Variants in LINGO2 observed in about 807,000 individuals in gnomAD.
LINGO2 encodes the protein leucine-rich repeat and immunoglobulin-like domain-containing nogo receptor-interacting protein 2.
In LINGO2, 14 loss-of-function variants were observed where a neutral mutation model predicts 30.6. The ratio of observed to expected loss-of-function variants is 0.46; its 90% CI spans 0.30 to 0.72. LINGO2 has a LOEUF of 0.72. LINGO2 is among the 30% of genes least tolerant of loss of function. LINGO2 has a pLI of 0.07. For synonymous variants in LINGO2, 317 were observed against 288.5 expected (o/e 1.10, Z -1.00); for missense variants, 729 against 751.7 (o/e 0.97, Z 0.35).
intron 1 of LINGO2, among the ~76,000 whole-genome samples, chr9:28,484,719 G>A (rs1013139369): frequency 6.6e-5 from 10 of 152,048 alleles, no homozygotes; most frequent in Admixed American, 1.3e-4. Flanking sequence ...CTAGTGACAA[G>A]GTCTAAACTT....
rs375611765 is a variant in LINGO2, at chr9:28,024,153, G to T, written c.-86-11748C>A. Among the ~76,000 whole-genome samples, 7 of 152,264 alleles carry T rather than the reference G, an allele frequency of 4.6e-5. No individual in the cohort carries two copies. The East Asian group carries it at 1.4e-3, about 29-fold the overall frequency. ...CCTGTGGGAACTGCAACTGGAAATG[G>T]CCCTTTCTGAGAAATAACCATGCAT... On this transcript the variant is annotated intron_variant, in intron 4 of 5. Coordinates refer to ENST00000379992, the Ensembl canonical transcript of LINGO2.
chr9:28,987,573 C>T, the LINGO2 span, among the ~76,000 whole-genome samples: 1 of 151,914 alleles, frequency 6.6e-6, no homozygotes, highest in Admixed American at 6.6e-5. Context: ...TTCCTTCTTC[C>T]TGCTGACTTT....
At chr9:28,876,612 G>C in the LINGO2 span, among the ~76,000 whole-genome samples, 1 of 152,024 alleles carries the variant, frequency 6.6e-6, no homozygotes, top group African/African-American at 2.4e-5. Context: ...AGTATTCCAT[G>C]GTGTATATGT....
intron 5 of LINGO2, among the ~76,000 whole-genome samples, chr9:28,007,929 TCAG>T (rs1487905768): frequency 6.6e-6 from 1 of 152,192 alleles, no homozygotes; most frequent in East Asian, 1.9e-4. Flanking sequence ...TTCAAAAAGT[TCAG>T]CAGGTGAGTT....
chr9:28,280,857 G>A (rs955287226), intron 4 of LINGO2, among the ~76,000 whole-genome samples: 3 of 152,152 alleles, frequency 2.0e-5, no homozygotes, highest in African/African-American at 7.2e-5. Flanking sequence ...CTATCAAACT[G>A]ATGCTTCTCT....
In LINGO2 at chr9:28,402,783, G is replaced by A. The variant is rs955018907; in HGVS notation, c.-278-29915C>T. ...TATCCCAGGCTATCTTTCCCATCAC[G>A]TTTTTTCTGTCTTCTTTCTCAGTGG... On this transcript the variant is annotated intron_variant, in intron 2 of 5. Coordinates refer to ENST00000379992, the Ensembl canonical transcript of LINGO2. Among the ~76,000 whole-genome samples, 6 of 151,888 alleles carry A rather than the reference G, an allele frequency of 4.0e-5. No individual in the cohort carries two copies. In the East Asian group the frequency reaches 7.7e-4, roughly 20 times the overall value.
the LINGO2 span, among the ~76,000 whole-genome samples, chr9:28,832,563 AAGACTTCCCAG>A: frequency 6.6e-6 from 1 of 152,238 alleles, no homozygotes; most frequent in South Asian, 2.1e-4. Context: ...GGATAACATA[AAGACTTCCCAG>A]GAATTTTCCA....
the LINGO2 span, among the ~76,000 whole-genome samples, chr9:29,111,042 C>T: frequency 2.6e-4 from 39 of 152,288 alleles, no homozygotes; most frequent in Admixed American, 1.4e-3. Flanking sequence ...CAAATGTTTG[C>T]ACGCTGATTC....
intron 4 of LINGO2, among the ~76,000 whole-genome samples, chr9:28,070,287 G>A (rs1825436455): frequency 6.6e-6 from 1 of 151,958 alleles, no homozygotes; most frequent in African/African-American, 2.4e-5. Flanking sequence ...CCTGCGGTTG[G>A]TTGGAGTTAT....
intron 4 of LINGO2, among the ~76,000 whole-genome samples, chr9:28,104,262 G>GTTTTTTT (rs1364642044): frequency 2.5e-4 from 14 of 55,790 alleles, no homozygotes; most frequent in South Asian, 8.0e-4. Flanking sequence ...CAAGTTTTTT[G>GTTTTTTT]TTTGTTTTTT....
chr9:28,965,715 A>G, the LINGO2 span, among the ~76,000 whole-genome samples: 1 of 152,132 alleles, frequency 6.6e-6, no homozygotes, highest in Non-Finnish European at 1.5e-5. Context: ...ATGATTTTTA[A>G]TACCTTAAAC....
intron 5 of LINGO2, among the ~76,000 whole-genome samples, chr9:27,967,587 T>C (rs185189923): frequency 5.6e-4 from 85 of 152,286 alleles, no homozygotes; most frequent in African/African-American, 1.9e-3. Flanking sequence ...TTTATGCTTC[T>C]ATTTTTTGTT....
the LINGO2 span, among the ~76,000 whole-genome samples, chr9:28,807,766 AG>A: frequency 6.6e-6 from 1 of 152,328 alleles, no homozygotes; most frequent in African/African-American, 2.4e-5. Flanking sequence ...GTAAAATGAT[AG>A]GCTTTTTGCA....
Position 28,329,497 on chromosome 9 carries a change from C to A in LINGO2, c.-245-34131G>T. ...TATACAAGTTTTGCTCCTGTTCAAT[C>A]TAAAATGCTCATGATAATTGACTCC... On this transcript the variant is annotated intron_variant, in intron 3 of 5. Coordinates refer to ENST00000379992, the Ensembl canonical transcript of LINGO2. The surrounding 1 kb of genome is among the most constrained non-coding windows in gnomAD (Gnocchi z 4.5). Among the ~76,000 whole-genome samples, 1 of 152,146 alleles carries A rather than the reference C, an allele frequency of 6.6e-6. No individual in the cohort carries two copies. The highest frequency in any genetic ancestry group is 1.9e-4 in the East Asian group (1 of 5,190).
the LINGO2 span, among the ~76,000 whole-genome samples, chr9:28,726,486 A>G: frequency 6.6e-6 from 1 of 152,226 alleles, no homozygotes. Flanking sequence ...AGAAAAAAAT[A>G]AAATTAAATA....
chr9:28,915,425 AG>A, the LINGO2 span, among the ~76,000 whole-genome samples: 2 of 152,136 alleles, frequency 1.3e-5, no homozygotes, highest in African/African-American at 4.8e-5. Flanking sequence ...AATCTACCTT[AG>A]TAACATATTC....
At chr9:28,024,447 TCA>T (rs1823279268) in intron 4 of LINGO2, among the ~76,000 whole-genome samples, 1 of 152,216 alleles carries the variant, frequency 6.6e-6, no homozygotes, top group African/African-American at 2.4e-5. Flanking sequence ...TCTTCTTAGC[TCA>T]GTTTGTGGGG....
chr9:28,897,425 G>A, the LINGO2 span, among the ~76,000 whole-genome samples: 1 of 152,046 alleles, frequency 6.6e-6, no homozygotes, highest in East Asian at 1.9e-4. Context: ...ATGTATTTTG[G>A]TCATTGCAAA....
At chr9:28,990,613 G>A in the LINGO2 span, among the ~76,000 whole-genome samples, 1 of 152,112 alleles carries the variant, frequency 6.6e-6, no homozygotes, top group Non-Finnish European at 1.5e-5. Flanking sequence ...CACCCAGTAG[G>A]GGCAGACTGA....
Sources: gnomAD v4.1 joint callset for allele counts (sites outside exome capture counted in the v4.1 genomes callset) on GRCh38, gnomAD v4.1.1 for gene constraint, Gnocchi (gnomAD v3.1) non-coding constraint, MANE v1.5 for transcripts, NCBI Gene and HGNC (gene_info 2026-07-23, HGNC 2026-07-21) for gene names.